AKR1E2: variants seen among roughly 807,000 people sequenced by gnomAD.
AKR1E2 encodes 1,5-anhydro-D-fructose reductase.
In AKR1E2, 43 loss-of-function variants were observed where a neutral mutation model predicts 41.9. The observed-to-expected ratio is 1.03, with a 90% CI of 0.80 to 1.32. The LOEUF (loss-of-function observed/expected upper bound fraction) is 1.32. Among genes scored for constraint, AKR1E2 ranks in the 40% most tolerant of loss-of-function variants. AKR1E2 has a pLI of 0.00. For missense variants in AKR1E2, 423 were observed against 396.5 expected, an observed-to-expected ratio of 1.07 and a Z score of -0.57; for synonymous variants, 121 against 138.9, an observed-to-expected ratio of 0.87 and a Z score of 0.91.
chr10:4,863,271 T>C, the AKR1E2 span, among the ~76,000 whole-genome samples: 4 of 151,862 alleles, frequency 2.6e-5, no homozygotes, highest in African/African-American at 4.8e-5. Context: ...TCTCAGACCA[T>C]AGTGCAATCA....
At chr10:4,839,194 A>G (rs1391095051) in intron 5 of AKR1E2, among the ~76,000 whole-genome samples, 1 of 152,244 alleles carries the variant, frequency 6.6e-6, no homozygotes, top group Non-Finnish European at 1.5e-5. Flanking sequence ...TGTCACATGT[A>G]GTTCCTCAAT....
At chr10:4,864,093 A>C in the AKR1E2 span, among the ~76,000 whole-genome samples, 21 of 152,224 alleles carry the variant, frequency 1.4e-4, no homozygotes, top group East Asian at 1.7e-3. Context: ...AAGAGGGAAT[A>C]CTCCCTAACT....
At chr10:4,851,960 G>A (rs181464546), downstream of AKR1E2, among the ~76,000 whole-genome samples, 111 of 152,308 alleles carry the variant, frequency 7.3e-4, 1 homozygote, top group Middle Eastern at 0.01. Context: ...GGACTGGCAT[G>A]TGGCCCAGTG....
At chr10:4,825,561 GCTGTCCT>G (rs1564247821), upstream of AKR1E2, among the ~76,000 whole-genome samples, 2 of 152,160 alleles carry the variant, frequency 1.3e-5, no homozygotes, top group African/African-American at 4.8e-5. Flanking sequence ...CAGGACCCCC[GCTGTCCT>G]GCAAGCCCCA....
At chr10:4,850,429 A>G (rs1188252552), downstream of AKR1E2, among the ~76,000 whole-genome samples, 1 of 152,214 alleles carries the variant, frequency 6.6e-6, no homozygotes, top group Non-Finnish European at 1.5e-5. Flanking sequence ...ATGGGCATCA[A>G]ATGGGCATCA....
chr10:4,826,604 C>T lies in AKR1E2; in HGVS notation c.39+241C>T, dbSNP rs989702895. On this transcript the variant is annotated intron_variant, in intron 1 of 9. Transcript: ENST00000298375. ...CGCTCTCTGGGAGAAGCGGGAACCT[C>T]GGCAGCCAAGCCTCAGACTCTGGGG... Among the ~76,000 whole-genome samples the T allele has an allele frequency of 2.6e-5, 4 of 152,172 alleles. No homozygotes were observed. In the South Asian group the frequency reaches 6.2e-4, roughly 24 times the overall value.
At chr10:4,827,084 A>AAAAG (rs1361027669) in intron 1 of AKR1E2, among the ~76,000 whole-genome samples, 1 of 144,148 alleles carries the variant, frequency 6.9e-6, no homozygotes, top group African/African-American at 2.9e-5. Flanking sequence ...GGAAAAAAAA[A>AAAAG]AAAAAAAAAG....
the AKR1E2 span, among the ~76,000 whole-genome samples, chr10:4,865,647 T>A: frequency 1.3e-5 from 2 of 152,162 alleles, no homozygotes; most frequent in Admixed American, 6.5e-5. Context: ...CCTCAATACA[T>A]ATTAAGTTTG....
chr10:4,850,291 A>G (rs935389943), downstream of AKR1E2, among the ~76,000 whole-genome samples: 1 of 152,184 alleles, frequency 6.6e-6, no homozygotes, highest in Admixed American at 6.5e-5. Flanking sequence ...AGACTGGGAG[A>G]TACTCAGATA....
At chr10:4,872,634 C>T in the AKR1E2 span, among the ~76,000 whole-genome samples, 3 of 152,268 alleles carry the variant, frequency 2.0e-5, no homozygotes, top group South Asian at 2.1e-4. Context: ...CCCTGTTTCT[C>T]ATTTTATTAT....
rs377060185 is a variant in AKR1E2 at position 4,842,418 on chromosome 10, C to A, written c.754-3C>A. 6.7e-5 allele frequency: 108 copies of A among 1,613,562 alleles called. No homozygotes were observed. The highest frequency in any genetic ancestry group is 8.9e-5 in the Non-Finnish European group (105 of 1,179,704). On this transcript the variant is annotated splice_region_variant and splice_polypyrimidine_tract_variant and intron_variant, in intron 7 of 9. Coordinates refer to ENST00000298375, the MANE Select transcript of AKR1E2 (RefSeq NM_001040177.3). ...TGATAGTAGACTTTTTGTTTCCTTG[C>A]AGATTTTGATCCGATTTCAAATCCA...
the AKR1E2 span, among the ~76,000 whole-genome samples, chr10:4,856,352 G>C: frequency 2.6e-5 from 4 of 152,152 alleles, no homozygotes; most frequent in Non-Finnish European, 5.9e-5. Context: ...TTTGTAGACT[G>C]AATATTGGAA....
At chr10:4,843,328 A>G (rs1834034123) in intron 8 of AKR1E2, among the ~76,000 whole-genome samples, 1 of 152,178 alleles carries the variant, frequency 6.6e-6, no homozygotes, top group South Asian at 2.1e-4. Flanking sequence ...GGGATAGCAT[A>G]GTGCCTGGCG....
At chr10:4,863,268 C>T in the AKR1E2 span, among the ~76,000 whole-genome samples, 1 of 152,170 alleles carries the variant, frequency 6.6e-6, no homozygotes, top group Non-Finnish European at 1.5e-5. Context: ...GTCTCTCAGA[C>T]CATAGTGCAA....
rs769140494 is a variant in AKR1E2 at position 4,835,724 on chromosome 10, T to G, written c.374T>G (p.Leu125Arg). ...IMSCSELSFC[L>R]SHPRVQDLPL... ...AGCTGCAGTGAACTTTCCTTCTGCC[T>G]CTCACATCCTCGAGTGCAGGACTTG... The change falls in exon 4 of 10, where the codon CTC becomes CGC. Residue 125 changes from leucine (L) to arginine (R), a missense_variant. Transcript: ENST00000298375. 1 of 1,614,192 alleles carries G rather than the reference T, an allele frequency of 6.2e-7. No homozygotes were observed. The highest frequency in any genetic ancestry group is 8.5e-7 in the Non-Finnish European group (1 of 1,180,040).
chr10:4,843,469 G>C (rs1440881171), intron 8 of AKR1E2, among the ~76,000 whole-genome samples: 1 of 152,208 alleles, frequency 6.6e-6, no homozygotes, highest in Non-Finnish European at 1.5e-5. Context: ...AGGTGTGTGT[G>C]ATCCTGGGGC....
intron 7 of AKR1E2, 29 bp downstream of exon 7, chr10:4,841,886 G>A: frequency 1.2e-6 from 2 of 1,605,168 alleles, no homozygotes; most frequent in Non-Finnish European, 1.7e-6. Context: ...TCTGAGCCAG[G>A]TGGGGTTCTC....
the AKR1E2 span, among the ~76,000 whole-genome samples, chr10:4,860,653 T>A: frequency 1.3e-5 from 2 of 152,228 alleles, no homozygotes; most frequent in Non-Finnish European, 2.9e-5. Flanking sequence ...TAAATACTCT[T>A]AGAGCATCTG....
chr10:4,856,710 T>C, the AKR1E2 span, among the ~76,000 whole-genome samples: 1 of 152,234 alleles, frequency 6.6e-6, no homozygotes, highest in South Asian at 2.1e-4. Context: ...TTAGTGTATG[T>C]TATTAATACA....
Sources: gnomAD v4.1 joint callset for allele counts (sites outside exome capture counted in the v4.1 genomes callset) on GRCh38, gnomAD v4.1.1 for gene constraint, MANE v1.5 for transcripts, NCBI Gene and HGNC (gene_info 2026-07-23, HGNC 2026-07-21) for gene names.